Variants in STAM observed in about 807,000 individuals in gnomAD.
STAM encodes the protein signal transducing adaptor molecule.
A neutral mutation model predicts 63.4 loss-of-function variants in STAM; 16 were observed. The ratio of observed to expected loss-of-function variants is 0.25; its 90% CI spans 0.17 to 0.38. The LOEUF is 0.38. Ranked by LOEUF, STAM falls within the 10% of genes least tolerant of loss-of-function variation. The probability of loss-of-function intolerance (pLI) is 1.00; values close to 1 mark genes in which losing one functional copy is unlikely to be tolerated. For synonymous variants in STAM, 238 were observed against 223.9 expected (o/e 1.06, Z -0.56); for missense variants, 636 against 657.1 (o/e 0.97, Z 0.35).
At chr10:17,656,032 C>T (rs545505673) in intron 1 of STAM, among the ~76,000 whole-genome samples, 15 of 151,756 alleles carry the variant, frequency 9.9e-5, no homozygotes, top group Non-Finnish European at 1.8e-4. Context: ...AGTTTCCTCA[C>T]GCCTGCAATC....
chr10:17,679,319 A>T (rs956997630), intron 2 of STAM, among the ~76,000 whole-genome samples: 4 of 152,172 alleles, frequency 2.6e-5, no homozygotes, highest in African/African-American at 9.7e-5. Context: ...ATTGCTAGCG[A>T]TGTTGAGCAT....
At chr10:17,696,517 C>T in intron 7 of STAM, 1 of 348,190 alleles carries the variant, frequency 2.9e-6, no homozygotes, top group Non-Finnish European at 5.2e-6. Context: ...GTATTGGTGC[C>T]TCTTTTTTTG....
chr10:17,657,098 C>A (rs764289939), intron 1 of STAM, among the ~76,000 whole-genome samples: 13 of 152,070 alleles, frequency 8.5e-5, no homozygotes, highest in Admixed American at 7.2e-4. Flanking sequence ...TCGTATACTG[C>A]CATTTTGTCT....
intron 1 of STAM, among the ~76,000 whole-genome samples, chr10:17,658,896 T>C (rs1207206400): frequency 2.0e-5 from 3 of 152,240 alleles, no homozygotes; most frequent in African/African-American, 7.2e-5. Context: ...TTTCTGCCTT[T>C]TAATTGGTGT....
At position 17,715,621 on chromosome 10, in the gene STAM, A is replaced by C. The variant is rs1246758004; in HGVS notation, c.*841A>C. 1 of 152,634 alleles carries C rather than the reference A, an allele frequency of 6.6e-6. No individual in the cohort carries two copies. Among genetic ancestry groups the C allele is most frequent in the Non-Finnish European group, 1.5e-5 (1 of 68,018 alleles). 9.5% of individuals were successfully genotyped at this position (152,634 alleles called of 1,614,324 possible). A position where few individuals can be genotyped will look rare whatever the true frequency, so the allele number is the denominator to read the frequency against. On this transcript the variant is annotated 3_prime_UTR_variant, in exon 14 of 14. Transcript: ENST00000377524. ...ATTCTTTATTTCTCATTTTAAAGAA[A>C]TGATGTTGGTTTACCTTTTCCTAGT...
chr10:17,712,331 C>A (rs1836591069), intron 13 of STAM, among the ~76,000 whole-genome samples: 1 of 152,148 alleles, frequency 6.6e-6, no homozygotes, highest in Non-Finnish European at 1.5e-5. Context: ...CGCATAGACT[C>A]TATATTACGG....
chr10:17,680,495 T>C (rs1255843535), intron 2 of STAM, among the ~76,000 whole-genome samples: 2 of 151,638 alleles, frequency 1.3e-5, no homozygotes, highest in Admixed American at 6.6e-5. Flanking sequence ...CAATCGTGGC[T>C]CACTGCAGCA....
chr10:17,688,889 T>C (rs564242058), intron 5 of STAM, among the ~76,000 whole-genome samples: 5 of 152,314 alleles, frequency 3.3e-5, no homozygotes, highest in African/African-American at 1.2e-4. Flanking sequence ...CCTTAAAAGT[T>C]AGGGATGACT....
chr10:17,692,508 T>C (rs529236516), intron 5 of STAM, among the ~76,000 whole-genome samples: 78 of 152,076 alleles, frequency 5.1e-4, no homozygotes, highest in Non-Finnish European at 1.0e-3. Context: ...GGCAGAATGG[T>C]TGGAAATGAG....
chr10:17,651,120 A>G, intron 1 of STAM, among the ~76,000 whole-genome samples: 1 of 149,784 alleles, frequency 6.7e-6, no homozygotes, highest in East Asian at 2.0e-4. Flanking sequence ...CTTTCACAGT[A>G]CTTTGAACTT....
chr10:17,697,419 G>A (rs1017297276), intron 8 of STAM, among the ~76,000 whole-genome samples: 2 of 152,192 alleles, frequency 1.3e-5, no homozygotes, highest in Non-Finnish European at 2.9e-5. Context: ...TGTAGTCCCA[G>A]ACTTGAAAGC....
In STAM at chr10:17,703,752, C is replaced by T. The variant is rs575880780; in HGVS notation, c.913-679C>T. ...GGAAAATAGAGAAACCACTAGTCTT[C>T]CTCCTTCCTTTTATGACCAACTGAA... On this transcript the variant is annotated intron_variant, in intron 9 of 13. Transcript: ENST00000377524. 3.3e-5 allele frequency among the ~76,000 whole-genome samples: 5 copies of T among 152,236 alleles called. No homozygotes were observed. The East Asian group carries it at 9.6e-4, about 29-fold the overall frequency.
intron 13 of STAM, among the ~76,000 whole-genome samples, chr10:17,713,048 C>T (rs1836628999): frequency 6.6e-6 from 1 of 152,206 alleles, no homozygotes; most frequent in Non-Finnish European, 1.5e-5. Flanking sequence ...GCCCATACTG[C>T]TAGACTCCCG....
intron 13 of STAM, among the ~76,000 whole-genome samples, chr10:17,713,311 C>A (rs1836644313): frequency 1.3e-5 from 2 of 152,180 alleles, no homozygotes. Flanking sequence ...ATTCTGAATG[C>A]CGTGGATCTG....
intron 4 of STAM, among the ~76,000 whole-genome samples, chr10:17,685,609 A>G (rs578041876): frequency 6.6e-6 from 1 of 152,314 alleles, no homozygotes; most frequent in South Asian, 2.1e-4. Context: ...TGTGTTTAGC[A>G]ACATACTTGA....
At chr10:17,667,282 A>G (rs1219303448) in intron 2 of STAM, among the ~76,000 whole-genome samples, 3 of 152,100 alleles carry the variant, frequency 2.0e-5, no homozygotes, top group Admixed American at 6.5e-5. Context: ...GAACGCCACC[A>G]TGCCCGGCTA....
At position 17,644,165 on chromosome 10, in the gene STAM, C is replaced by G. The variant is rs1221377413; in HGVS notation, c.-175C>G. 22 of 668,776 alleles carry G rather than the reference C, an allele frequency of 3.3e-5. No homozygotes were observed. The highest frequency in any genetic ancestry group is 5.5e-5 in the Non-Finnish European group (21 of 383,018). 41.4% of individuals were successfully genotyped at this position (668,776 alleles called of 1,614,324 possible). A position where few individuals can be genotyped will look rare whatever the true frequency, so the allele number is the denominator to read the frequency against. ...CTTCCTCGGCTCCTTGCTGTTGCCG[C>G]CGCCGCAGCTGCTGCCGCGGTTGGT... On this transcript the variant is annotated 5_prime_UTR_variant, in exon 1 of 14. Transcript: ENST00000377524.
At chr10:17,669,670 A>G (rs1352552352) in intron 2 of STAM, among the ~76,000 whole-genome samples, 2 of 148,138 alleles carry the variant, frequency 1.4e-5, no homozygotes, top group Non-Finnish European at 3.0e-5. Context: ...TCTTTCACTG[A>G]TTGGGAATTT....
chr10:17,651,336 TTAGCA>T (rs1370502299), intron 1 of STAM, among the ~76,000 whole-genome samples: 1 of 152,182 alleles, frequency 6.6e-6, no homozygotes, highest in Non-Finnish European at 1.5e-5. Flanking sequence ...TGTAAAGCAC[TTAGCA>T]TAGCACCTGG....
Sources: allele counts gnomAD v4.1 joint callset (sites outside exome capture counted in the v4.1 genomes callset), GRCh38; gene constraint gnomAD v4.1.1; transcripts MANE v1.5; gene names NCBI Gene and HGNC (gene_info 2026-07-23, HGNC 2026-07-21).